Variants in USP31 observed in about 807,000 individuals in gnomAD.
USP31 encodes ubiquitin specific peptidase 31.
A neutral mutation model predicts 119.4 loss-of-function variants in USP31; 44 were observed. That is an observed-to-expected ratio of 0.37 (90% CI 0.29 to 0.47). The LOEUF is 0.47. Ranked by LOEUF, USP31 falls within the 20% of genes least tolerant of loss-of-function variation. The pLI is 0.99. For missense variants in USP31, 1,643 were observed against 1,730.2 expected, an observed-to-expected ratio of 0.95 and a Z score of 0.89; for synonymous variants, 749 against 705.6, an observed-to-expected ratio of 1.06 and a Z score of -0.97.
chr16:23,134,329 A>C (rs1358570866), intron 1 of USP31, among the ~76,000 whole-genome samples: 1 of 152,214 alleles, frequency 6.6e-6, no homozygotes, highest in East Asian at 1.9e-4. Flanking sequence ...GATGATCATA[A>C]GGTTGGAGTA....
At chr16:23,100,571 G>A (rs915273359) in intron 6 of USP31, among the ~76,000 whole-genome samples, 8 of 151,866 alleles carry the variant, frequency 5.3e-5, no homozygotes, top group East Asian at 1.9e-4. Flanking sequence ...TCAGGAGTTC[G>A]AGACCAGCCT....
intron 13 of USP31, chr16:23,079,326 T>C (rs1417687989): frequency 6.6e-6 from 1 of 152,220 alleles, no homozygotes; most frequent in Admixed American, 6.5e-5. Context: ...AATTTCATGA[T>C]GAACATAGTT....
Position 23,148,986 on chromosome 16 carries a change from C to T in USP31, c.285G>A (p.Pro95=), listed in dbSNP as rs1233473011. 7 of 1,043,550 alleles carry T rather than the reference C, an allele frequency of 6.7e-6. No individual in the cohort carries two copies. The highest frequency in any genetic ancestry group is 5.8e-6 in the Non-Finnish European group (5 of 860,562). The allele number at this position is 1,043,550 out of a possible 1,614,324, so 64.6% of individuals were successfully genotyped here. The change falls in exon 1 of 16, where the codon CCG becomes CCA. Residue 95 remains proline, a synonymous_variant. Coordinates refer to ENST00000219689, the MANE Select transcript of USP31 (RefSeq NM_020718.4). The stretch of plus-strand genomic sequence containing the variant: ...GCGTGGGCGCGGCGGCCGGCCCGGG[C>T]GGGAAGCAGCTGCGGAGGCCGCCGC... ...PDRGGLRSCF[P]PGPAAAPTPP...
intron 6 of USP31, among the ~76,000 whole-genome samples, chr16:23,101,689 G>A (rs928859985): frequency 6.6e-6 from 1 of 152,126 alleles, no homozygotes; most frequent in Non-Finnish European, 1.5e-5. Context: ...AAGAAGAGGA[G>A]CCCTAAGAGG....
At chr16:23,124,687 A>G (rs1253715036) in intron 1 of USP31, among the ~76,000 whole-genome samples, 4 of 152,288 alleles carry the variant, frequency 2.6e-5, no homozygotes, top group Non-Finnish European at 4.4e-5. Context: ...TCAGGAGTTC[A>G]AGACCAGCCT....
At chr16:23,074,702 T>C (rs4967965) in intron 13 of USP31, among the ~76,000 whole-genome samples, 34,577 of 152,020 alleles carry the variant, frequency 0.23, 4,752 homozygotes, top group Admixed American at 0.31. Context: ...ACACATGAGC[T>C]CATGAACGCA....
intron 2 of USP31, 33 bp downstream of exon 2, chr16:23,108,013 G>C: frequency 6.3e-7 from 1 of 1,584,584 alleles, no homozygotes; most frequent in Non-Finnish European, 8.6e-7. Context: ...TCTCATGGCT[G>C]GCTGACTGCC....
At chr16:23,116,559 C>T (rs932696427) in intron 1 of USP31, among the ~76,000 whole-genome samples, 3 of 152,160 alleles carry the variant, frequency 2.0e-5, no homozygotes, top group Admixed American at 6.5e-5. Flanking sequence ...ATAAATAGGG[C>T]CTTCTGTGCC....
rs779632499 is a variant in USP31 at position 23,087,736 on chromosome 16, C to T, written c.1515G>A (p.Thr505=). The T allele has an allele frequency of 5.1e-5, 83 of 1,613,904 alleles. No individual in the cohort carries two copies. Among genetic ancestry groups the T allele is most frequent in the Non-Finnish European group, 6.5e-5 (77 of 1,179,990 alleles). Residue 505 remains threonine, a synonymous_variant, in exon 8 of 16, where the codon ACG becomes ACA. Coordinates refer to ENST00000219689, the MANE Select transcript of USP31 (RefSeq NM_020718.4). ...AATGCTTACAAACCTGAATGCAAAC[C>T]GTGGGCCTCAAGAAATACTTCATCT... The part of the protein sequence containing the change: ...LEKMKYFLRP[T]VCIQVCPFSL...
intron 1 of USP31, among the ~76,000 whole-genome samples, chr16:23,138,699 C>G (rs772075849): frequency 3.7e-4 from 57 of 152,100 alleles, no homozygotes; most frequent in Non-Finnish European, 6.8e-4. Flanking sequence ...CTGAAGAAGC[C>G]ATGTTGTTTG....
intron 1 of USP31, among the ~76,000 whole-genome samples, chr16:23,143,226 A>G (rs550325865): frequency 2.0e-4 from 31 of 152,312 alleles, no homozygotes; most frequent in Non-Finnish European, 4.0e-4. Flanking sequence ...TCTTTTATCA[A>G]TAGATCACTC....
In USP31 at chr16:23,067,295, G is replaced by A. The variant is rs915438382; in HGVS notation, c.*751C>T. On this transcript the variant is annotated 3_prime_UTR_variant, in exon 16 of 16. Coordinates refer to ENST00000219689, the MANE Select transcript of USP31 (RefSeq NM_020718.4). ...TGCCACTTCCTAGGACCTATCCCAA[G>A]AGTCAAGACAGGTTTTGGTGCACAT... The A allele has an allele frequency of 6.6e-6, 1 of 152,610 alleles. No individual in the cohort carries two copies. Among genetic ancestry groups the A allele is most frequent in the African/African-American group, 2.4e-5 (1 of 41,448 alleles). The allele number at this position is 152,610 out of a possible 1,614,324, so 9.5% of individuals were successfully genotyped here. A position where few individuals can be genotyped will look rare whatever the true frequency, so the allele number is the denominator to read the frequency against.
intron 1 of USP31, among the ~76,000 whole-genome samples, chr16:23,108,843 T>C (rs552154369): frequency 9.2e-5 from 14 of 152,378 alleles, no homozygotes; most frequent in South Asian, 2.1e-4. Flanking sequence ...CTTTACAAGA[T>C]TGATTTACAT....
chr16:23,114,452 G>GA (rs917531470), intron 1 of USP31, among the ~76,000 whole-genome samples: 3,125 of 89,932 alleles, frequency 0.035, 94 homozygotes, highest in African/African-American at 0.11. Context: ...GAAAAAATAG[G>GA]AAAAAAAAAA....
intron 6 of USP31, among the ~76,000 whole-genome samples, chr16:23,094,842 C>T (rs1901531628): frequency 6.6e-6 from 1 of 152,132 alleles, no homozygotes; most frequent in South Asian, 2.1e-4. Flanking sequence ...ACCAAAACCC[C>T]ATCTGTAGGT....
intron 13 of USP31, among the ~76,000 whole-genome samples, chr16:23,077,932 A>G (rs1262487925): frequency 6.6e-6 from 1 of 152,242 alleles, no homozygotes; most frequent in Non-Finnish European, 1.5e-5. Context: ...ACGAAAAGTT[A>G]AAAACCAGAA....
At position 23,084,900 on chromosome 16, in the gene USP31, G is replaced by A; in HGVS notation, c.1790C>T (p.Thr597Ile). 6.2e-7 allele frequency: 1 copy of A among 1,614,158 alleles called. No homozygotes were observed. The highest frequency in any genetic ancestry group is 8.5e-7 in the Non-Finnish European group (1 of 1,180,020). Residue 597 changes from threonine (T) to isoleucine (I), a missense_variant, in exon 11 of 16, where the codon ACT becomes ATT. By Grantham distance (89) the Thr-to-Ile change is moderately conservative. Coordinates refer to ENST00000219689, the MANE Select transcript of USP31 (RefSeq NM_020718.4). ...RERHHQPQTC[T>I]LSQCFQLYTK... Reference sequence around the variant, plus strand: ...GTACAGTTGGAAACACTGGGATAAAGTGCAGGTTTGAGGCTGATGATGACG... The same window carrying A: ...GTACAGTTGGAAACACTGGGATAAAATGCAGGTTTGAGGCTGATGATGACG...
chr16:23,114,486 A>T lies in USP31; in HGVS notation c.634-6303T>A, dbSNP rs540405316. ...AAAAAAAAAGAAAGTTTCAACATAG[A>T]CATTCCAAACAAATTAACTGAAATC... On this transcript the variant is annotated intron_variant, in intron 1 of 15. Coordinates refer to ENST00000219689, the MANE Select transcript of USP31 (RefSeq NM_020718.4). Among the ~76,000 whole-genome samples the T allele has an allele frequency of 6.6e-5, 10 of 152,260 alleles. No individual in the cohort carries two copies. In the South Asian group the frequency reaches 2.1e-3, roughly 32 times the overall value.
intron 1 of USP31, among the ~76,000 whole-genome samples, chr16:23,126,275 C>T (rs978422453): frequency 3.4e-5 from 5 of 147,294 alleles, no homozygotes; most frequent in African/African-American, 1.3e-4. Flanking sequence ...AAGCTGTGAT[C>T]GCACCACTGA....
Sources: allele counts gnomAD v4.1 joint callset (sites outside exome capture counted in the v4.1 genomes callset), GRCh38; gene constraint gnomAD v4.1.1; transcripts MANE v1.5; gene names NCBI Gene and HGNC (gene_info 2026-07-23, HGNC 2026-07-21).